HS3ST5: variants seen among roughly 807,000 people sequenced by gnomAD.
The protein encoded by HS3ST5 is heparan sulfate-glucosamine 3-sulfotransferase 5.
HS3ST5 carries 10 observed loss-of-function variants against 25.4 expected under a neutral mutation model. The observed-to-expected ratio is 0.39, with a 90% confidence interval of 0.24 to 0.67. The LOEUF is 0.67. Ranked by LOEUF, HS3ST5 falls within the 30% of genes least tolerant of loss-of-function variation. HS3ST5 has a pLI of 0.44. For synonymous variants in HS3ST5, 170 were observed against 162.4 expected, an observed-to-expected ratio of 1.05 and a Z score of -0.36; for missense variants, 324 against 420.7, an observed-to-expected ratio of 0.77 and a Z score of 2.01.
intron 1 of HS3ST5, among the ~76,000 whole-genome samples, chr6:114,250,103 G>C (rs1654781167): frequency 6.6e-6 from 1 of 152,074 alleles, no homozygotes. Context: ...AATTCTCTAA[G>C]TACTTCTCTG....
chr6:114,077,138 G>A (rs543716272), intron 3 of HS3ST5, among the ~76,000 whole-genome samples: 23 of 152,254 alleles, frequency 1.5e-4, no homozygotes, highest in South Asian at 8.3e-4. Context: ...CACAGCTCCC[G>A]TTATTGCATC....
intron 1 of HS3ST5, among the ~76,000 whole-genome samples, chr6:114,341,365 A>G (rs1365945473): frequency 1.3e-5 from 2 of 151,762 alleles, no homozygotes; most frequent in African/African-American, 4.8e-5. Flanking sequence ...GAGTAGAGGA[A>G]ACCCACCAAG....
chr6:114,066,564 C>CGG (rs968824516), intron 3 of HS3ST5, among the ~76,000 whole-genome samples: 1 of 152,036 alleles, frequency 6.6e-6, no homozygotes, highest in African/African-American at 2.4e-5. Context: ...ACCCGGGAGG[C>CGG]GGAGGTTGTA....
At chr6:114,172,669 T>C (rs1376189701) in intron 2 of HS3ST5, among the ~76,000 whole-genome samples, 1 of 152,208 alleles carries the variant, frequency 6.6e-6, no homozygotes, top group Non-Finnish European at 1.5e-5. Flanking sequence ...AAAAGAAAAC[T>C]TTGAGAAACT....
At chr6:114,285,335 T>C (rs184197670) in intron 1 of HS3ST5, among the ~76,000 whole-genome samples, 2 of 151,954 alleles carry the variant, frequency 1.3e-5, no homozygotes, top group Non-Finnish European at 2.9e-5. Flanking sequence ...AAATAACTAA[T>C]GGGCAGTAAG....
intron 3 of HS3ST5, among the ~76,000 whole-genome samples, chr6:114,074,994 G>A (rs1562185803): frequency 6.6e-6 from 1 of 151,994 alleles, no homozygotes; most frequent in Non-Finnish European, 1.5e-5. Context: ...AGGGCCAGAA[G>A]GACTCCACCA....
chr6:114,135,860 C>T (rs748960111), intron 3 of HS3ST5, among the ~76,000 whole-genome samples: 1 of 152,198 alleles, frequency 6.6e-6, no homozygotes, highest in African/African-American at 2.4e-5. Context: ...AGTGAGGACT[C>T]CTACTCCCCT....
At chr6:114,136,209 T>C (rs961770016) in intron 3 of HS3ST5, among the ~76,000 whole-genome samples, 1 of 152,252 alleles carries the variant, frequency 6.6e-6, no homozygotes, top group Non-Finnish European at 1.5e-5. Flanking sequence ...TCTTGAATTG[T>C]AGCTTCAGTA....
intron 1 of HS3ST5, among the ~76,000 whole-genome samples, chr6:114,284,560 A>C (rs762490337): frequency 3.9e-5 from 6 of 151,962 alleles, no homozygotes; most frequent in Non-Finnish European, 7.4e-5. Context: ...GGGGAATGGA[A>C]TCTTCCACCT....
intron 1 of HS3ST5, among the ~76,000 whole-genome samples, chr6:114,325,943 T>C (rs1411385404): frequency 6.6e-6 from 1 of 152,256 alleles, no homozygotes. Flanking sequence ...GCTTAGGCTA[T>C]GTTGGTGAAC....
chr6:114,341,532 G>A (rs539220337), intron 1 of HS3ST5, among the ~76,000 whole-genome samples: 45 of 152,092 alleles, frequency 3.0e-4, no homozygotes, highest in African/African-American at 1.1e-3. Flanking sequence ...AGTAGCGACA[G>A]CGACCTCTCA....
intron 1 of HS3ST5, among the ~76,000 whole-genome samples, chr6:114,230,632 G>C (rs1274211713): frequency 6.7e-6 from 1 of 149,506 alleles, no homozygotes; most frequent in Non-Finnish European, 1.5e-5. Context: ...CCCACCCCAG[G>C]CTGGAGTGCA....
intron 3 of HS3ST5, chr6:114,089,021 T>C (rs1774989814): frequency 6.6e-6 from 1 of 152,248 alleles, no homozygotes; most frequent in African/African-American, 2.4e-5. Context: ...TCTCCTGTGG[T>C]AAGTACAGGA....
chr6:114,176,915 C>T (rs1412233473), intron 2 of HS3ST5, among the ~76,000 whole-genome samples: 1 of 152,188 alleles, frequency 6.6e-6, no homozygotes, highest in Non-Finnish European at 1.5e-5. Flanking sequence ...GAATCCTGCT[C>T]TTAAGCCCTA....
chr6:114,159,839 C>T (rs540845465), intron 3 of HS3ST5, among the ~76,000 whole-genome samples: 1 of 152,148 alleles, frequency 6.6e-6, no homozygotes, highest in Non-Finnish European at 1.5e-5. Flanking sequence ...AACATTTGTT[C>T]CAGTCATAGA....
chr6:114,138,151 A>G (rs1777724913), intron 3 of HS3ST5, among the ~76,000 whole-genome samples: 2 of 152,168 alleles, frequency 1.3e-5, no homozygotes, highest in Non-Finnish European at 2.9e-5. Context: ...AGTCCATTAT[A>G]TGTCCAAATT....
At chr6:114,094,271 A>G (rs1775304090) in intron 3 of HS3ST5, among the ~76,000 whole-genome samples, 1 of 152,216 alleles carries the variant, frequency 6.6e-6, no homozygotes, top group South Asian at 2.1e-4. Flanking sequence ...CAAGGAAATA[A>G]TTTAAAGTTA....
intron 1 of HS3ST5, among the ~76,000 whole-genome samples, chr6:114,246,831 C>G (rs2114609394): frequency 6.6e-6 from 1 of 152,236 alleles, no homozygotes; most frequent in Middle Eastern, 3.4e-3. Context: ...GGAGAATCTT[C>G]AAAGAGAAAA....
At chr6:114,200,015 G>A (rs1261750134) in intron 2 of HS3ST5, among the ~76,000 whole-genome samples, 2 of 152,144 alleles carry the variant, frequency 1.3e-5, no homozygotes, top group Non-Finnish European at 2.9e-5. Context: ...GAGGTCAGGA[G>A]TTCGAAACCA....
Sources: allele counts gnomAD v4.1 joint callset (sites outside exome capture counted in the v4.1 genomes callset), GRCh38; gene constraint gnomAD v4.1.1; transcripts MANE v1.5; gene names NCBI Gene and HGNC (gene_info 2026-07-23, HGNC 2026-07-21).